Variants in SYNPR observed in about 807,000 individuals in gnomAD.
SYNPR encodes synaptoporin.
SYNPR carries 23 observed loss-of-function variants against 32.9 expected under a neutral mutation model. That is an observed-to-expected ratio of 0.70 (90% CI 0.50 to 0.99). The LOEUF is 0.99. Among genes scored for constraint, SYNPR ranks in the 50% least tolerant of loss-of-function variants. SYNPR has a pLI of 0.00. For missense variants in SYNPR, 318 were observed against 349.3 expected, an observed-to-expected ratio of 0.91 and a Z score of 0.71; for synonymous variants, 146 against 135.9, an observed-to-expected ratio of 1.07 and a Z score of -0.52.
At chr3:63,489,705 A>C (rs1701222785) in intron 3 of SYNPR, among the ~76,000 whole-genome samples, 1 of 152,268 alleles carries the variant, frequency 6.6e-6, no homozygotes, top group African/African-American at 2.4e-5. Flanking sequence ...TGAGAAATAT[A>C]AATAAATACA....
chr3:63,309,785 C>A (rs1023719113), intron 2 of SYNPR, among the ~76,000 whole-genome samples: 4 of 152,024 alleles, frequency 2.6e-5, no homozygotes, highest in African/African-American at 9.7e-5. Flanking sequence ...GCACCCTCTA[C>A]ACTGCTTACT....
chr3:63,265,241 CTTTTTTTTTTTTT>C (rs71126590), intron 2 of SYNPR, among the ~76,000 whole-genome samples: 3 of 102,210 alleles, frequency 2.9e-5, no homozygotes, highest in Admixed American at 2.1e-4. Context: ...TAATGACATT[CTTTTTTTTTTTTT>C]TTTTTTTTTT....
chr3:63,544,001 G>A (rs1469588249), intron 3 of SYNPR, among the ~76,000 whole-genome samples: 1 of 152,040 alleles, frequency 6.6e-6, no homozygotes, highest in Admixed American at 6.6e-5. Context: ...CATGATCCAG[G>A]TGACGTCCAT....
At chr3:63,210,594 A>C in the SYNPR span, among the ~76,000 whole-genome samples, 1 of 151,960 alleles carries the variant, frequency 6.6e-6, no homozygotes, top group Non-Finnish European at 1.5e-5. Flanking sequence ...CACAATCACC[A>C]CTCCTAACTT....
chr3:63,522,185 T>C (rs1425780890), intron 3 of SYNPR, among the ~76,000 whole-genome samples: 3 of 152,234 alleles, frequency 2.0e-5, no homozygotes, highest in African/African-American at 4.8e-5. Context: ...AAATGTTTGC[T>C]GCGGTTGTTA....
intron 2 of SYNPR, among the ~76,000 whole-genome samples, chr3:63,343,492 G>A (rs1486901241): frequency 6.6e-6 from 1 of 152,150 alleles, no homozygotes; most frequent in African/African-American, 2.4e-5. Context: ...ACATTGTTTG[G>A]AGGTCCTGCC....
chr3:63,394,576 A>C (rs1050035074), intron 2 of SYNPR, among the ~76,000 whole-genome samples: 32 of 152,202 alleles, frequency 2.1e-4, no homozygotes, highest in African/African-American at 7.7e-4. Flanking sequence ...TTACCTTTTC[A>C]GCAAATAGCT....
chr3:63,423,747 G>C (rs1446558187), intron 2 of SYNPR: 1 of 152,234 alleles, frequency 6.6e-6, no homozygotes, highest in African/African-American at 2.4e-5. Flanking sequence ...ATCACTTGCA[G>C]TCTTGGCTCT....
At chr3:63,509,460 G>T (rs1224642277) in intron 3 of SYNPR, among the ~76,000 whole-genome samples, 1 of 151,740 alleles carries the variant, frequency 6.6e-6, no homozygotes, top group Non-Finnish European at 1.5e-5. Flanking sequence ...AAATAAGTGT[G>T]GCTGCCCTTT....
chr3:63,367,731 G>T (rs959601711), intron 2 of SYNPR, among the ~76,000 whole-genome samples: 6 of 152,092 alleles, frequency 3.9e-5, no homozygotes, highest in Non-Finnish European at 7.4e-5. Flanking sequence ...AGGGAAACAG[G>T]CCCAGAGATG....
chr3:63,373,148 C>T (rs1021199898), intron 2 of SYNPR, among the ~76,000 whole-genome samples: 2 of 152,138 alleles, frequency 1.3e-5, no homozygotes, highest in Admixed American at 1.3e-4. Context: ...TGCAATAACT[C>T]TGGCAGCTCA....
intron 2 of SYNPR, among the ~76,000 whole-genome samples, chr3:63,404,773 C>T (rs536706685): frequency 6.6e-6 from 1 of 151,962 alleles, no homozygotes; most frequent in African/African-American, 2.4e-5. Context: ...AAGTACTCTC[C>T]TTTTAATACA....
At chr3:63,597,514 T>A (rs972105807) in intron 4 of SYNPR, among the ~76,000 whole-genome samples, 5 of 152,150 alleles carry the variant, frequency 3.3e-5, no homozygotes, top group African/African-American at 9.7e-5. Flanking sequence ...ACTTTACTAG[T>A]CAGATTGAAA....
intron 3 of SYNPR, among the ~76,000 whole-genome samples, chr3:63,489,970 G>C (rs1701229241): frequency 6.6e-6 from 1 of 152,184 alleles, no homozygotes; most frequent in Admixed American, 6.5e-5. Context: ...AGACACCAAA[G>C]AGGCAGGGAT....
intron 3 of SYNPR, among the ~76,000 whole-genome samples, chr3:63,537,043 C>T (rs1229362573): frequency 6.6e-6 from 1 of 151,932 alleles, no homozygotes; most frequent in African/African-American, 2.4e-5. Context: ...TGTAAATATA[C>T]TAAAACTCTG....
At chr3:63,241,981 T>A (rs2086252328) in intron 1 of SYNPR, among the ~76,000 whole-genome samples, 1 of 152,034 alleles carries the variant, frequency 6.6e-6, no homozygotes. Flanking sequence ...TTTCACATGT[T>A]TCAGAAATTA....
intron 2 of SYNPR, among the ~76,000 whole-genome samples, chr3:63,297,539 A>G (rs147440566): frequency 1.6e-4 from 25 of 152,352 alleles, no homozygotes; most frequent in African/African-American, 6.0e-4. Context: ...GAAGCAGACT[A>G]AAAGTCACAA....
chr3:63,279,527 A>G (rs188201849), intron 2 of SYNPR, among the ~76,000 whole-genome samples: 2 of 152,288 alleles, frequency 1.3e-5, no homozygotes. Context: ...ACGGTTACCC[A>G]CAGGGCCACA....
At chr3:63,441,792 C>A (rs961032195) in intron 2 of SYNPR, among the ~76,000 whole-genome samples, 1 of 152,198 alleles carries the variant, frequency 6.6e-6, no homozygotes, top group African/African-American at 2.4e-5. Context: ...GCATAGGCAA[C>A]AAGCGGATCG....
Sources: gnomAD v4.1 joint callset for allele counts (sites outside exome capture counted in the v4.1 genomes callset) on GRCh38, gnomAD v4.1.1 for gene constraint, MANE v1.5 for transcripts, NCBI Gene and HGNC (gene_info 2026-07-23, HGNC 2026-07-21) for gene names.